GTF3C1: variants seen among roughly 807,000 people sequenced by gnomAD.
GTF3C1 encodes the protein general transcription factor IIIC subunit 1.
GTF3C1 carries 57 observed loss-of-function variants against 226.7 expected under a neutral mutation model. That is an observed-to-expected ratio of 0.25 (90% CI 0.20 to 0.31). GTF3C1 has a LOEUF of 0.31. Ranked by LOEUF, GTF3C1 falls within the 10% of genes least tolerant of loss-of-function variation. The pLI, the probability that GTF3C1 is intolerant of heterozygous loss-of-function variation, is 1.00. For missense variants in GTF3C1, 2,217 were observed against 2,776.1 expected (o/e 0.80, Z 4.53); for synonymous variants, 1,090 against 1,084.8 (o/e 1.00, Z -0.09).
intron 12 of GTF3C1, among the ~76,000 whole-genome samples, chr16:27,499,220 G>A (rs938025746): frequency 7.9e-5 from 12 of 152,234 alleles, no homozygotes; most frequent in African/African-American, 1.9e-4. Context: ...CAAACAAACC[G>A]GCAGAGGATT....
At chr16:27,514,939 G>A (rs541092877) in intron 6 of GTF3C1, among the ~76,000 whole-genome samples, 7 of 152,326 alleles carry the variant, frequency 4.6e-5, no homozygotes, top group East Asian at 1.9e-4. Context: ...GCAGCAGCAC[G>A]ACACAGCACT....
intron 11 of GTF3C1, among the ~76,000 whole-genome samples, chr16:27,501,663 C>G (rs2088406155): frequency 6.6e-6 from 1 of 152,202 alleles, no homozygotes; most frequent in Non-Finnish European, 1.5e-5. Context: ...TTCACCAAGT[C>G]GAATGCTAAT....
rs1417616786 is a variant in GTF3C1, at chr16:27,493,257, T to G, written c.2818A>C (p.Lys940Gln). Reference protein sequence around the residue: ...LEEFLNDPLKKHTLIRFLPRP... With the variant: ...LEEFLNDPLKQHTLIRFLPRP... ...GGGAGAAAGCGGATCAGCGTGTGCTTCTTCAGCGGGTCGTTCAGAAATTCC... is the reference window on the plus strand; with the variant it reads ...GGGAGAAAGCGGATCAGCGTGTGCTGCTTCAGCGGGTCGTTCAGAAATTCC... Residue 940 changes from lysine (K) to glutamine (Q), a missense_variant, in exon 17 of 37, where the codon AAG becomes CAG. Transcript: ENST00000356183. 8.1e-6 allele frequency: 13 copies of G among 1,611,914 alleles called. No homozygotes were observed. Among genetic ancestry groups the G allele is most frequent in the Non-Finnish European group, 1.0e-5 (12 of 1,178,068 alleles).
chr16:27,515,400 GATCAC>G (rs1353972027), intron 6 of GTF3C1, among the ~76,000 whole-genome samples: 3 of 151,262 alleles, frequency 2.0e-5, no homozygotes, highest in African/African-American at 7.3e-5. Flanking sequence ...AGTGAGCTAT[GATCAC>G]ACCACTGCAC....
rs1414647563 is a variant in GTF3C1, at chr16:27,492,525, G to A, written c.2974-10C>T. On this transcript the variant is annotated splice_polypyrimidine_tract_variant and intron_variant, in intron 18 of 36. Transcript: ENST00000356183. This position sits in a 1 kb window ranked among gnomAD's most constrained non-coding sequence, Gnocchi z 5.0. ...TCAAGAAGATAAAGACCTAAGGGGA[G>A]ACACCAGACAGGGAGAACCCACATT... 9 of 1,607,052 alleles carry A rather than the reference G, an allele frequency of 5.6e-6. No individual in the cohort carries two copies. The African/African-American group carries it at 8.0e-5, about 14-fold the overall frequency.
At chr16:27,467,441 T>G (rs953284065) in intron 32 of GTF3C1, among the ~76,000 whole-genome samples, 2 of 152,264 alleles carry the variant, frequency 1.3e-5, no homozygotes, top group Non-Finnish European at 2.9e-5. Flanking sequence ...TGATTCATGA[T>G]GCCCCTGGTC....
At chr16:27,497,972 AAT>A in intron 13 of GTF3C1, 151 bp from the exon 14 acceptor site, 1 of 634,206 alleles carries the variant, frequency 1.6e-6, no homozygotes, top group South Asian at 2.5e-5. Context: ...ATGCAAACAA[AAT>A]GTCAGGTCAC....
chr16:27,494,510 TTTAAA>T (rs1243509612), intron 16 of GTF3C1, among the ~76,000 whole-genome samples: 1 of 152,110 alleles, frequency 6.6e-6, no homozygotes, highest in Non-Finnish European at 1.5e-5. Context: ...AGAGCGAGTC[TTTAAA>T]GTATTTACCC....
rs1351876331 is a variant in GTF3C1 at position 27,471,975 on chromosome 16, G to A, written c.4354-55C>T. ...GGTTCTCCAGCCGGCCACGGAGAGG[G>A]CTGGGGTATGTGGAGGCAGAGGCTG... On this transcript the variant is annotated intron_variant, in intron 29 of 36. Coordinates refer to ENST00000356183, the MANE Select transcript of GTF3C1 (RefSeq NM_001520.4). This position sits in a 1 kb window ranked among gnomAD's most constrained non-coding sequence, Gnocchi z 5.0. 58 of 1,522,676 alleles carry A rather than the reference G, an allele frequency of 3.8e-5. No individual in the cohort carries two copies. Among genetic ancestry groups the A allele is most frequent in the Non-Finnish European group, 4.8e-5 (53 of 1,100,028 alleles). 94.3% of individuals were successfully genotyped at this position (1,522,676 alleles called of 1,614,324 possible).
intron 29 of GTF3C1, among the ~76,000 whole-genome samples, chr16:27,475,103 C>T (rs1271351663): frequency 6.6e-6 from 1 of 152,240 alleles, no homozygotes; most frequent in Non-Finnish European, 1.5e-5. Context: ...CCCGCTGTGG[C>T]CAAAGTAACA....
At chr16:27,515,437 ACT>A (rs2088642121) in intron 6 of GTF3C1, among the ~76,000 whole-genome samples, 2 of 150,832 alleles carry the variant, frequency 1.3e-5, no homozygotes, top group South Asian at 2.1e-4. Flanking sequence ...CAAGAGTGAG[ACT>A]CTGTTTCAAA....
In GTF3C1 at chr16:27,497,665, G is replaced by T; in HGVS notation, c.2322C>A (p.Thr774=). 6.2e-7 allele frequency: 1 copy of T among 1,613,814 alleles called. No individual in the cohort carries two copies. Among genetic ancestry groups the T allele is most frequent in the South Asian group, 1.1e-5 (1 of 91,056 alleles). ...MKKSDNKMGI[T]PLRNYHPIVV... is the part of the protein sequence containing the mutation. The stretch of plus-strand genomic sequence containing the variant: ...CAATGGGGTGATAATTTCTAAGCGG[G>T]GTTATGCCCATTTTATTATCACTTT... Residue 774 remains threonine (T), a synonymous_variant, in exon 14 of 37, where the codon ACC becomes ACA. Transcript: ENST00000356183.
intron 19 of GTF3C1, among the ~76,000 whole-genome samples, chr16:27,490,838 G>C (rs2088222742): frequency 6.6e-6 from 1 of 152,130 alleles, no homozygotes; most frequent in African/African-American, 2.4e-5. Context: ...CCTGGGGGTA[G>C]AACCTCTTCA....
At chr16:27,528,286 A>G (rs1331622984) in intron 6 of GTF3C1, among the ~76,000 whole-genome samples, 3 of 152,208 alleles carry the variant, frequency 2.0e-5, no homozygotes, top group African/African-American at 7.2e-5. Context: ...CAAAGAAAAA[A>G]AAGAAAAAGA....
chr16:27,540,471 T>C (rs1596663339), intron 2 of GTF3C1, among the ~76,000 whole-genome samples: 2 of 152,242 alleles, frequency 1.3e-5, no homozygotes, highest in Non-Finnish European at 2.9e-5. Context: ...ACTAGTTTAC[T>C]ATCCTTCACT....
rs560145423 is a variant in GTF3C1 at position 27,520,027 on chromosome 16, T to C, written c.974-8126A>G. On this transcript the variant is annotated intron_variant, in intron 6 of 36. Coordinates refer to ENST00000356183, the MANE Select transcript of GTF3C1 (RefSeq NM_001520.4). ...TACTTGGGAGGGTAAGGTGGGAGGA[T>C]TGCTCAGCCTGCGAGGCTAAGGCTG... Among the ~76,000 whole-genome samples, 36 of 152,306 alleles carry C rather than the reference T, an allele frequency of 2.4e-4. 1 individual carries two copies. Among genetic ancestry groups the C allele is most frequent in the Admixed American group, 6.5e-4 (10 of 15,306 alleles).
At chr16:27,547,371 C>T (rs2089180044) in intron 1 of GTF3C1, among the ~76,000 whole-genome samples, 1 of 152,188 alleles carries the variant, frequency 6.6e-6, no homozygotes, top group Non-Finnish European at 1.5e-5. Flanking sequence ...TTCACTTGGA[C>T]AACTCAAAAG....
chr16:27,497,526 T>C (rs1300901879), intron 14 of GTF3C1, 111 bp downstream of exon 14: 2 of 819,102 alleles, frequency 2.4e-6, no homozygotes, highest in Non-Finnish European at 2.0e-6. Flanking sequence ...TCAGACGCGA[T>C]TCTTCTGACT....
Position 27,474,451 on chromosome 16 carries a change from A to G in GTF3C1, c.4353+2000T>C, listed in dbSNP as rs975880904. 3.3e-5 allele frequency among the ~76,000 whole-genome samples: 5 copies of G among 152,308 alleles called. No individual in the cohort carries two copies. In the South Asian group the frequency reaches 8.3e-4, roughly 25 times the overall value. ...GCTTTCTTGTTTGGAGGTGGGGTAC[A>G]GTGGGAAGGATCCCCAAAGTCCCCT... is the stretch of plus-strand genomic sequence containing the variant. On this transcript the variant is annotated intron_variant, in intron 29 of 36. Transcript: ENST00000356183.
Sources: gnomAD v4.1 joint callset for allele counts (sites outside exome capture counted in the v4.1 genomes callset) on GRCh38, gnomAD v4.1.1 for gene constraint, Gnocchi (gnomAD v3.1) non-coding constraint, MANE v1.5 for transcripts, NCBI Gene and HGNC (gene_info 2026-07-23, HGNC 2026-07-21) for gene names.